The following ZNF644 variants were observed in gnomAD, a reference collection of about 807,000 sequenced individuals.
ZNF644 encodes the protein zinc finger motif enhancer binding protein 2.
ZNF644 carries 20 observed loss-of-function variants against 108.0 expected under a neutral mutation model. The observed-to-expected ratio is 0.19, with a 90% CI of 0.13 to 0.27. The LOEUF (loss-of-function observed/expected upper bound fraction) is 0.27. Among genes scored for constraint, ZNF644 ranks in the 10% least tolerant of loss-of-function variants. The pLI, the probability that ZNF644 is intolerant of heterozygous loss-of-function variation, is 1.00. For synonymous variants in ZNF644, 542 were observed against 539.1 expected (o/e 1.01, Z -0.08); for missense variants, 1,338 against 1,548.9 (o/e 0.86, Z 2.29).
chr1:90,976,789 G>T (rs1319617445), intron 2 of ZNF644, among the ~76,000 whole-genome samples: 1 of 151,988 alleles, frequency 6.6e-6, no homozygotes, highest in Admixed American at 6.6e-5. Flanking sequence ...ATATCTGAAG[G>T]GGATTGGTTC....
intron 1 of ZNF644, among the ~76,000 whole-genome samples, chr1:91,006,243 A>G (rs915348395): frequency 1.3e-5 from 2 of 152,206 alleles, no homozygotes; most frequent in African/African-American, 4.8e-5. Flanking sequence ...TCCCACAAAG[A>G]AAAGCCCAGG....
rs1314197056 is a variant in ZNF644 at position 90,916,296 on chromosome 1, G to C, written c.*502C>G. 2 of 161,240 alleles carry C rather than the reference G, an allele frequency of 1.2e-5. No homozygotes were observed. The highest frequency in any genetic ancestry group is 2.4e-5 in the African/African-American group (1 of 41,456). The allele number at this position is 161,240 out of a possible 1,614,324, so 10.0% of individuals were successfully genotyped here. On this transcript the variant is annotated 3_prime_UTR_variant, in exon 6 of 6. Transcript: ENST00000337393. The stretch of plus-strand genomic sequence containing the variant: ...GAATAGTACTCTGCCCTATTTGAGT[G>C]AACAGTCTCAAACTATGAAGTACAT...
intron 1 of ZNF644, among the ~76,000 whole-genome samples, chr1:90,983,684 T>C (rs958951276): frequency 6.6e-6 from 1 of 152,068 alleles, no homozygotes. Flanking sequence ...CCCAGCACTT[T>C]GGGAGGCCAA....
At chr1:90,972,021 G>A (rs1292963733) in intron 2 of ZNF644, among the ~76,000 whole-genome samples, 7 of 152,192 alleles carry the variant, frequency 4.6e-5, no homozygotes, top group Non-Finnish European at 1.0e-4. Context: ...TCAGGAGGCT[G>A]AGGCATGACA....
intron 1 of ZNF644, among the ~76,000 whole-genome samples, chr1:91,019,408 T>C (rs1173109139): frequency 2.6e-5 from 4 of 152,238 alleles, no homozygotes; most frequent in African/African-American, 4.8e-5. Context: ...CCCTGGTTGT[T>C]GTTTTTTAAT....
chr1:91,015,051 A>G (rs537047605), intron 1 of ZNF644, among the ~76,000 whole-genome samples: 7 of 152,326 alleles, frequency 4.6e-5, no homozygotes, highest in Admixed American at 6.5e-5. Flanking sequence ...TATAATGGTA[A>G]TAAGATTATG....
intron 4 of ZNF644, among the ~76,000 whole-genome samples, chr1:90,927,179 C>G (rs182579362): frequency 1.0e-3 from 155 of 152,092 alleles, no homozygotes; most frequent in African/African-American, 3.7e-3. Context: ...AAGTGTCTTC[C>G]TCTTTCTCTG....
chr1:90,939,834 C>T lies in ZNF644; in HGVS notation c.1520G>A (p.Cys507Tyr), dbSNP rs775941884. The change falls in exon 3 of 6, where the codon TGC (cysteine) becomes TAC (tyrosine). Residue 507 changes from cysteine (C) to tyrosine (Y), a missense_variant. Transcript: ENST00000337393. Reference protein sequence around the residue: ...QCPQCVFGTNCPKTFVQHAKT... With the variant: ...QCPQCVFGTNYPKTFVQHAKT... ...AGCATGTTGCACAAATGTTTTAGGG[C>T]AATTGGTACCAAACACACACTGAGG... is the stretch of plus-strand genomic sequence containing the variant. 6.2e-7 allele frequency: 1 copy of T among 1,613,874 alleles called. No individual in the cohort carries two copies. Among genetic ancestry groups the T allele is most frequent in the Non-Finnish European group, 8.5e-7 (1 of 1,179,950 alleles).
intron 2 of ZNF644, among the ~76,000 whole-genome samples, chr1:90,968,753 C>G (rs1363201712): frequency 6.6e-6 from 1 of 152,042 alleles, no homozygotes; most frequent in East Asian, 1.9e-4. Flanking sequence ...ATTTATGATT[C>G]TTTTCCTGAA....
chr1:90,925,166 G>A (rs1649886860), intron 4 of ZNF644, among the ~76,000 whole-genome samples: 1 of 152,190 alleles, frequency 6.6e-6, no homozygotes. Flanking sequence ...AAAGACTGGA[G>A]TAGGGGACTT....
intron 4 of ZNF644, among the ~76,000 whole-genome samples, chr1:90,927,344 T>C (rs943379093): frequency 2.6e-5 from 4 of 152,138 alleles, no homozygotes; most frequent in Admixed American, 2.0e-4. Context: ...CTTGTTGAAT[T>C]AGTGAAAAAA....
At chr1:90,990,074 C>G (rs1340869108) in intron 1 of ZNF644, among the ~76,000 whole-genome samples, 1 of 152,114 alleles carries the variant, frequency 6.6e-6, no homozygotes, top group Non-Finnish European at 1.5e-5. Context: ...TCACAAAGGA[C>G]AAATACTATA....
intron 1 of ZNF644, among the ~76,000 whole-genome samples, chr1:91,009,675 C>T (rs1318079618): frequency 6.6e-6 from 1 of 152,072 alleles, no homozygotes; most frequent in African/African-American, 2.4e-5. Flanking sequence ...CAAGTACAAG[C>T]TCTTCTTACC....
intron 2 of ZNF644, among the ~76,000 whole-genome samples, chr1:90,957,878 A>G (rs111999334): frequency 6.6e-5 from 10 of 152,356 alleles, no homozygotes; most frequent in African/African-American, 2.4e-4. Flanking sequence ...AAAATTCCTT[A>G]GCATCCACAA....
intron 2 of ZNF644, among the ~76,000 whole-genome samples, chr1:90,977,079 A>C (rs1457171386): frequency 6.6e-6 from 1 of 152,118 alleles, no homozygotes; most frequent in Non-Finnish European, 1.5e-5. Context: ...TAAAGCTGGA[A>C]TTAAGACTAA....
Position 90,937,985 on chromosome 1 carries a change from CT to C in ZNF644, c.3187del (p.Arg1063AspfsTer17). 6.2e-7 allele frequency: 1 copy of C among 1,612,190 alleles called. No homozygotes were observed. On this transcript the variant is annotated frameshift_variant, in exon 4 of 6. Transcript: ENST00000337393. LOFTEE classifies it high-confidence loss of function. ...AGCATCCCATTTCGTCTTTCCAAGT[CT>C]TTTCAAGTGGCCTCTAACATGATTT... Reference protein sequence around the residue: ...LSNHVRGHLKRLGKTKWDAHK... With the variant: ...LSNHVRGHLKXLGKTKWDAHK...
chr1:90,986,718 GAA>G (rs1486796822), intron 1 of ZNF644, among the ~76,000 whole-genome samples: 5 of 151,918 alleles, frequency 3.3e-5, no homozygotes, highest in South Asian at 2.1e-4. Context: ...TGACAATTCA[GAA>G]AAGTCTTCAG....
At chr1:90,918,376 T>A in intron 4 of ZNF644, 2 of 534,886 alleles carry the variant, frequency 3.7e-6, no homozygotes, top group Non-Finnish European at 6.7e-6. Context: ...GAATACTATC[T>A]GTATTCTTCC....
At chr1:91,006,220 A>G (rs1659404114) in intron 1 of ZNF644, among the ~76,000 whole-genome samples, 3 of 152,224 alleles carry the variant, frequency 2.0e-5, no homozygotes, top group Non-Finnish European at 1.5e-5. Flanking sequence ...ACCTAAAACA[A>G]GTAGAGAGAA....
Sources: gnomAD v4.1 joint callset for allele counts (sites outside exome capture counted in the v4.1 genomes callset) on GRCh38, gnomAD v4.1.1 for gene constraint, MANE v1.5 for transcripts, NCBI Gene and HGNC (gene_info 2026-07-23, HGNC 2026-07-21) for gene names.